The following SMARCAD1 variants were observed in gnomAD, a reference collection of about 807,000 sequenced individuals.
SMARCAD1 encodes the protein SWI/SNF-related matrix-associated actin-dependent regulator of chromatin subfamily A containing DEAD/H box 1.
SMARCAD1 carries 25 observed loss-of-function variants against 127.1 expected under a neutral mutation model. The observed-to-expected ratio is 0.20, with a 90% CI of 0.14 to 0.27. The LOEUF (loss-of-function observed/expected upper bound fraction) is 0.27. Among genes scored for constraint, SMARCAD1 ranks in the 10% least tolerant of loss-of-function variants. SMARCAD1 has a pLI of 1.00. For synonymous variants in SMARCAD1, 400 were observed against 396.9 expected (o/e 1.01, Z -0.09); for missense variants, 807 against 1,206.0 (o/e 0.67, Z 4.90).
chr4:94,208,199 G>T (rs1460725566), intron 1 of SMARCAD1, 129 bp downstream of exon 1: 1 of 714,706 alleles, frequency 1.4e-6, no homozygotes, highest in Non-Finnish European at 2.5e-6. Flanking sequence ...TCTAATTGTT[G>T]CGGCCTAACA....
chr4:94,267,102 G>C lies in SMARCAD1; in HGVS notation c.1481+2196G>C, dbSNP rs147470134. ...CCTTAAAAGATTTCTCACATGTTCA[G>C]AATACAATATATTTAATCAAGTGTG... is the stretch of plus-strand genomic sequence containing the variant. On this transcript the variant is annotated intron_variant, in intron 10 of 23. Transcript: ENST00000354268. Among the ~76,000 whole-genome samples the C allele has an allele frequency of 7.5e-3, 1,146 of 151,986 alleles. 7 individuals are homozygous for C. Among genetic ancestry groups the C allele is most frequent in the African/African-American group, 0.026 (1,070 of 41,470 alleles).
chr4:94,259,136 GT>G (rs1750571447), intron 9 of SMARCAD1, among the ~76,000 whole-genome samples: 1 of 152,204 alleles, frequency 6.6e-6, no homozygotes, highest in Non-Finnish European at 1.5e-5. Context: ...GCAGTGGTAT[GT>G]TACAACTTTT....
intron 23 of SMARCAD1, among the ~76,000 whole-genome samples, chr4:94,288,281 T>A (rs552945864): frequency 6.6e-6 from 1 of 152,316 alleles, no homozygotes; most frequent in Non-Finnish European, 1.5e-5. Context: ...TTTTATAGCT[T>A]TCCTTAAAAC....
Position 94,290,336 on chromosome 4 carries a change from CACTT to C in SMARCAD1, c.*803_*806del, listed in dbSNP as rs1755524742. On this transcript the variant is annotated 3_prime_UTR_variant, in exon 24 of 24. Coordinates refer to ENST00000354268, the MANE Select transcript of SMARCAD1 (RefSeq NM_020159.5). ...GCTTCTCTTGAAACTGTTGCCCAGT[CACTT>C]CTGCTCCAATTCTCTTCCTCTCTAA... The C allele has an allele frequency of 2.2e-6, 1 of 454,366 alleles. No homozygotes were observed. Among genetic ancestry groups the C allele is most frequent in the African/African-American group, 2.0e-5 (1 of 49,996 alleles). 28.1% of individuals were successfully genotyped at this position (454,366 alleles called of 1,614,324 possible). A position where few individuals can be genotyped will look rare whatever the true frequency, so the allele number is the denominator to read the frequency against.
At chr4:94,218,054 C>T (rs567113604) in intron 2 of SMARCAD1, among the ~76,000 whole-genome samples, 40 of 152,224 alleles carry the variant, frequency 2.6e-4, no homozygotes, top group Non-Finnish European at 5.6e-4. Context: ...TTATTAAGAG[C>T]ATAGAGAAAA....
chr4:94,258,002 G>C (rs1168226132), intron 9 of SMARCAD1, among the ~76,000 whole-genome samples: 1 of 151,906 alleles, frequency 6.6e-6, no homozygotes, highest in Non-Finnish European at 1.5e-5. Context: ...TTTCATAGAT[G>C]AACCATGTAG....
Position 94,290,967 on chromosome 4 carries a change from C to T in SMARCAD1, c.*1433C>T. Reference sequence around the variant, plus strand: ...AAAGACTGAGAACTCACGGCTTAACCCCAGTCTTGATGGTATATTGAACAG... The same window carrying T: ...AAAGACTGAGAACTCACGGCTTAACTCCAGTCTTGATGGTATATTGAACAG... On this transcript the variant is annotated 3_prime_UTR_variant, in exon 24 of 24. Coordinates refer to ENST00000354268, the MANE Select transcript of SMARCAD1 (RefSeq NM_020159.5). 1 of 450,780 alleles carries T rather than the reference C, an allele frequency of 2.2e-6. No homozygotes were observed. The allele number at this position is 450,780 out of a possible 1,614,324, so 27.9% of individuals were successfully genotyped here. A position where few individuals can be genotyped will look rare whatever the true frequency, so the allele number is the denominator to read the frequency against.
chr4:94,233,905 A>T, intron 3 of SMARCAD1, 49 bp from the exon 4 acceptor site: 1 of 1,572,502 alleles, frequency 6.4e-7, no homozygotes. Context: ...ATGAAATAAC[A>T]TTAGTAATAC....
chr4:94,268,224 A>G (rs1349376402), intron 10 of SMARCAD1, among the ~76,000 whole-genome samples: 2 of 152,166 alleles, frequency 1.3e-5, no homozygotes, highest in Non-Finnish European at 1.5e-5. Flanking sequence ...GAATAAAGCA[A>G]TTTTATTTAA....
At chr4:94,225,420 C>G (rs1292464389) in intron 2 of SMARCAD1, among the ~76,000 whole-genome samples, 1 of 152,146 alleles carries the variant, frequency 6.6e-6, no homozygotes, top group Non-Finnish European at 1.5e-5. Flanking sequence ...CTGTAGGCCT[C>G]ATTTTAACAT....
At chr4:94,264,632 C>T in intron 9 of SMARCAD1, 75 bp from the exon 10 acceptor site, 2 of 1,332,472 alleles carry the variant, frequency 1.5e-6, no homozygotes, top group Non-Finnish European at 2.1e-6. Context: ...ACTTGTTTTC[C>T]TCATAAAGAA....
chr4:94,285,111 G>A (rs1236664893), intron 23 of SMARCAD1, 42 bp downstream of exon 23: 2 of 1,097,472 alleles, frequency 1.8e-6, no homozygotes, highest in African/African-American at 3.0e-5. Flanking sequence ...TTATCTATAT[G>A]ACCATGCATC....
intron 10 of SMARCAD1, among the ~76,000 whole-genome samples, chr4:94,269,512 C>G (rs1292292427): frequency 7.1e-6 from 1 of 141,280 alleles, no homozygotes; most frequent in Admixed American, 7.1e-5. Context: ...TTTTTTTTAT[C>G]TGTTAAAGTG....
intron 6 of SMARCAD1, among the ~76,000 whole-genome samples, chr4:94,246,638 C>T (rs1478324507): frequency 6.6e-6 from 1 of 152,184 alleles, no homozygotes; most frequent in Admixed American, 6.5e-5. Context: ...GTTATTCCTT[C>T]ACCCTGATAT....
intron 20 of SMARCAD1, among the ~76,000 whole-genome samples, 177 bp from the exon 21 acceptor site, chr4:94,281,295 A>T (rs151252151): frequency 5.6e-4 from 86 of 152,366 alleles, no homozygotes; most frequent in African/African-American, 1.9e-3. Context: ...TATAGGCTGC[A>T]ATAAGACATA....
intron 2 of SMARCAD1, among the ~76,000 whole-genome samples, chr4:94,224,577 TCA>T (rs1018746967): frequency 6.6e-6 from 1 of 150,742 alleles, no homozygotes; most frequent in Non-Finnish European, 1.5e-5. Context: ...TCAAAAGATT[TCA>T]GATTTTAGAA....
At chr4:94,253,168 T>C in intron 9 of SMARCAD1, 161 bp downstream of exon 9, 1 of 1,510,096 alleles carries the variant, frequency 6.6e-7, no homozygotes, top group Non-Finnish European at 9.0e-7. Context: ...GTATTTCAAA[T>C]AGTGTCATAT....
intron 3 of SMARCAD1, among the ~76,000 whole-genome samples, chr4:94,229,055 T>G (rs575872958): frequency 2.0e-5 from 3 of 152,250 alleles, no homozygotes; most frequent in African/African-American, 7.2e-5. Flanking sequence ...AGGAGACACA[T>G]GATATCCATT....
chr4:94,208,314 C>A, intron 1 of SMARCAD1, 32 bp from the exon 2 acceptor site: 2 of 1,440,002 alleles, frequency 1.4e-6, no homozygotes, highest in Admixed American at 1.7e-5. Context: ...GTTTTCATGG[C>A]CTTTTTTCCT....
Sources: allele counts gnomAD v4.1 joint callset (sites outside exome capture counted in the v4.1 genomes callset), GRCh38; gene constraint gnomAD v4.1.1; transcripts MANE v1.5; gene names NCBI Gene and HGNC (gene_info 2026-07-23, HGNC 2026-07-21).